CUBN: variants seen among roughly 807,000 people sequenced by gnomAD.
CUBN encodes 460 kDa receptor.
In CUBN, 282 loss-of-function variants were observed where a neutral mutation model predicts 405.3. The ratio of observed to expected loss-of-function variants is 0.70; its 90% confidence interval spans 0.63 to 0.77. The LOEUF (loss-of-function observed/expected upper bound fraction) is 0.77. CUBN is among the 30% of genes least tolerant of loss of function. The pLI, the probability that CUBN is intolerant of heterozygous loss-of-function variation, is 0.00. For missense variants in CUBN, 4,514 were observed against 4,475.2 expected (o/e 1.01, Z -0.25); for synonymous variants, 1,684 against 1,617.0 (o/e 1.04, Z -0.99).
At chr10:17,035,321 A>G (rs1834871399) in intron 27 of CUBN, among the ~76,000 whole-genome samples, 1 of 152,194 alleles carries the variant, frequency 6.6e-6, no homozygotes. Context: ...GGCACAGAAA[A>G]ATATTGTTGA....
chr10:16,924,200 G>C (rs1842117965), intron 43 of CUBN, among the ~76,000 whole-genome samples: 1 of 152,186 alleles, frequency 6.6e-6, no homozygotes, highest in African/African-American at 2.4e-5. Flanking sequence ...TTTGGTACCA[G>C]GTGAAAACTG....
chr10:17,073,053 T>C (rs1835775816), intron 17 of CUBN, among the ~76,000 whole-genome samples: 1 of 152,214 alleles, frequency 6.6e-6, no homozygotes, highest in Non-Finnish European at 1.5e-5. Context: ...TTCCCATGTA[T>C]AATTTATTCT....
At chr10:17,117,711 T>C (rs555580703) in intron 6 of CUBN, among the ~76,000 whole-genome samples, 2 of 152,310 alleles carry the variant, frequency 1.3e-5, no homozygotes, top group East Asian at 3.9e-4. Context: ...ATTACAGGCG[T>C]GAGCCACCGC....
chr10:16,826,013 CTTTT>C (rs1237771189), intron 66 of CUBN, among the ~76,000 whole-genome samples: 1 of 152,004 alleles, frequency 6.6e-6, no homozygotes, highest in Non-Finnish European at 1.5e-5. Context: ...TCAATAACTT[CTTTT>C]ATTTTGACAA....
chr10:16,959,500 T>G (rs1373276718), intron 31 of CUBN, among the ~76,000 whole-genome samples: 1 of 151,862 alleles, frequency 6.6e-6, no homozygotes, highest in Non-Finnish European at 1.5e-5. Context: ...TAGTGGCACA[T>G]GCCTGTAATC....
At chr10:17,094,127 T>C (rs1836322921) in intron 14 of CUBN, among the ~76,000 whole-genome samples, 2 of 151,914 alleles carry the variant, frequency 1.3e-5, no homozygotes, top group Admixed American at 1.3e-4. Flanking sequence ...CATAATCAAG[T>C]TGTGGAAAAT....
intron 36 of CUBN, among the ~76,000 whole-genome samples, chr10:16,946,126 G>A (rs1424240014): frequency 6.6e-6 from 1 of 152,124 alleles, no homozygotes; most frequent in Non-Finnish European, 1.5e-5. Flanking sequence ...CCCAACCACA[G>A]CCTAGTAATA....
intron 28 of CUBN, among the ~76,000 whole-genome samples, chr10:17,002,340 A>T (rs920670935): frequency 6.6e-6 from 1 of 152,194 alleles, no homozygotes; most frequent in Non-Finnish European, 1.5e-5. Flanking sequence ...GTTGCCAGGG[A>T]ACCAGAACAC....
rs575894635 is a variant in CUBN, at chr10:16,940,322, C to T, written c.5343-85G>A. The T allele has an allele frequency of 9.1e-5, 116 of 1,281,652 alleles. No homozygotes were observed. The African/African-American group carries it at 1.1e-3, about 12-fold the overall frequency. The allele number at this position is 1,281,652 out of a possible 1,614,324, so 79.4% of individuals were successfully genotyped here. A position where few individuals can be genotyped will look rare whatever the true frequency, so the allele number is the denominator to read the frequency against. On this transcript the variant is annotated intron_variant, in intron 36 of 66. Transcript: ENST00000377833. Reference sequence around the variant, plus strand: ...TCCCGGATCACATGCTAGGTTAACCCGTTCACTTTTTTAAACTTTCTTTAA... The same window carrying T: ...TCCCGGATCACATGCTAGGTTAACCTGTTCACTTTTTTAAACTTTCTTTAA...
intron 54 of CUBN, among the ~76,000 whole-genome samples, chr10:16,895,950 C>A (rs140208980): frequency 6.6e-6 from 1 of 152,130 alleles, no homozygotes. Flanking sequence ...TCCTCTATTT[C>A]TCTTTTCTTG....
chr10:17,002,496 G>T (rs545546653), intron 28 of CUBN, among the ~76,000 whole-genome samples: 3 of 152,188 alleles, frequency 2.0e-5, no homozygotes, highest in East Asian at 3.9e-4. Flanking sequence ...AGTGGCAATA[G>T]AAATAGAACT....
At chr10:16,835,280 A>G in intron 63 of CUBN, 85 bp from the exon 64 acceptor site, 1 of 1,178,342 alleles carries the variant, frequency 8.5e-7, no homozygotes, top group Non-Finnish European at 1.3e-6. Context: ...CAAAAAGATC[A>G]TTGCATTTGA....
Position 16,916,026 on chromosome 10 carries a change from C to T in CUBN, c.7005G>A (p.Gln2335=), listed in dbSNP as rs763028103. The change falls in exon 46 of 67, where the codon CAG becomes CAA. Residue 2335 remains glutamine, a synonymous_variant. Coordinates refer to ENST00000377833, the MANE Select transcript of CUBN (RefSeq NM_001081.4). The part of the protein sequence containing the change: ...VGFKAKYSIA[Q]CGGRVPGQSG... ...TTTGCCCTGGTACTCTTCCCCCACA[C>T]TGAGCTGCAAAAAATAAAAATAAAT... The T allele has an allele frequency of 3.7e-6, 6 of 1,613,100 alleles. No homozygotes were observed. In the Admixed American group the frequency reaches 8.3e-5, roughly 22 times the overall value.
chr10:16,959,217 C>A (rs928577713), intron 31 of CUBN, among the ~76,000 whole-genome samples: 1 of 152,122 alleles, frequency 6.6e-6, no homozygotes, highest in African/African-American at 2.4e-5. Context: ...GTTTTATGTA[C>A]CTAATTGTCA....
At chr10:16,924,829 G>C (rs1398765532) in intron 43 of CUBN, among the ~76,000 whole-genome samples, 1 of 151,952 alleles carries the variant, frequency 6.6e-6, no homozygotes, top group Non-Finnish European at 1.5e-5. Context: ...GTGTTCTTTT[G>C]AAAACAGCAT....
At chr10:17,015,496 A>C (rs989948870) in intron 28 of CUBN, among the ~76,000 whole-genome samples, 1 of 152,252 alleles carries the variant, frequency 6.6e-6, no homozygotes, top group Non-Finnish European at 1.5e-5. Flanking sequence ...AGGATGTCCC[A>C]GGATTCCTTG....
rs779242582 is a variant in CUBN, at chr10:17,100,096, G to A, written c.1674C>T (p.Leu558=). 34 of 1,613,920 alleles carry A rather than the reference G, an allele frequency of 2.1e-5. No homozygotes were observed. The highest frequency in any genetic ancestry group is 2.7e-5 in the Non-Finnish European group (32 of 1,179,844). Residue 558 remains leucine, a synonymous_variant, in exon 14 of 67, where the codon CTC becomes CTT. Coordinates refer to ENST00000377833, the MANE Select transcript of CUBN (RefSeq NM_001081.4). Reference sequence around the variant, plus strand: ...GAAAATAGAGAGCATTGTCACTGCTGAGGAGTTCATGAGGGAGGCTGGAGC... The same window carrying A: ...GAAAATAGAGAGCATTGTCACTGCTAAGGAGTTCATGAGGGAGGCTGGAGC... The part of the protein sequence containing the change: ...FCGSSLPHEL[L]SSDNALYFHL...
At chr10:16,920,724 T>C (rs1398666982) in intron 43 of CUBN, among the ~76,000 whole-genome samples, 1 of 152,184 alleles carries the variant, frequency 6.6e-6, no homozygotes, top group African/African-American at 2.4e-5. Context: ...CAAAGCATTA[T>C]CAAAAAATAT....
chr10:17,034,231 G>A (rs1834841873), intron 27 of CUBN, among the ~76,000 whole-genome samples: 1 of 152,152 alleles, frequency 6.6e-6, no homozygotes, highest in Non-Finnish European at 1.5e-5. Flanking sequence ...TGGTCAAGGT[G>A]CCCGATAAGG....
Sources: allele counts gnomAD v4.1 joint callset (sites outside exome capture counted in the v4.1 genomes callset), GRCh38; gene constraint gnomAD v4.1.1; transcripts MANE v1.5; gene names NCBI Gene and HGNC (gene_info 2026-07-23, HGNC 2026-07-21).